Variants in REG1A observed in about 807,000 individuals in gnomAD.
REG1A encodes regenerating family member 1 alpha, also known as lithostathine-1-alpha.
Under a neutral mutation model 20.7 loss-of-function variants are expected in REG1A, and 20 were observed. That is an observed-to-expected ratio of 0.97 (90% confidence interval 0.68 to 1.41). The LOEUF (loss-of-function observed/expected upper bound fraction) is 1.41. REG1A is among the 40% of genes most tolerant of loss of function. The pLI, the probability that REG1A is intolerant of heterozygous loss-of-function variation, is 0.00. For synonymous variants in REG1A, 90 were observed against 71.6 expected, an observed-to-expected ratio of 1.26 and a Z score of -1.30; for missense variants, 193 against 201.8, an observed-to-expected ratio of 0.96 and a Z score of 0.26.
At position 79,123,179 on chromosome 2, in the gene REG1A, A is replaced by T; in HGVS notation, c.465A>T (p.Glu155Asp). 6.2e-7 allele frequency: 1 copy of T among 1,613,208 alleles called. No homozygotes were observed. The highest frequency in any genetic ancestry group is 8.5e-7 in the Non-Finnish European group (1 of 1,179,326). ...AGAAATGGAAGGATGTGCCTTGTGA[A>T]GACAAGTTCTCCTTTGTCTGCAAGT... ...GFQKWKDVPCEDKFSFVCKFK... is the reference protein window; with the variant it reads ...GFQKWKDVPCDDKFSFVCKFK... Residue 155 changes from glutamate to aspartate, a missense_variant, in exon 6 of 6, where the codon GAA (glutamate) becomes GAT (aspartate). Coordinates refer to ENST00000233735, the MANE Select transcript of REG1A (RefSeq NM_002909.5).
intron 2 of REG1A, 77 bp downstream of exon 2, chr2:79,121,002 TGA>T: frequency 3.8e-6 from 4 of 1,044,248 alleles, no homozygotes; most frequent in Non-Finnish European, 4.0e-6. Flanking sequence ...CGGGTCTACT[TGA>T]AAAAAAAAAA....
intron 2 of REG1A, 70 bp from the exon 3 acceptor site, chr2:79,121,492 A>C: frequency 8.1e-7 from 1 of 1,231,226 alleles, no homozygotes; most frequent in Non-Finnish European, 1.2e-6. Flanking sequence ...GGAACCTCAG[A>C]AGCTCTTACC....
At chr2:79,122,690 G>A (rs1291331578) in intron 4 of REG1A, 151 bp from the exon 5 acceptor site, 29 of 646,026 alleles carry the variant, frequency 4.5e-5, no homozygotes, top group Admixed American at 1.8e-4. Flanking sequence ...CAGGAAAGAA[G>A]TTTAGAGCAA....
rs374417047 is a variant in REG1A, at chr2:79,123,261, C to A, written c.*46C>A. On this transcript the variant is annotated 3_prime_UTR_variant, in exon 6 of 6. Coordinates refer to ENST00000233735, the MANE Select transcript of REG1A (RefSeq NM_002909.5). Reference sequence around the variant, plus strand: ...TCTAGAACTGATCCAGCAATTACAACGGAGTCAAAAATTAAACCGGACCAT... The same window carrying A: ...TCTAGAACTGATCCAGCAATTACAAAGGAGTCAAAAATTAAACCGGACCAT... 5.4e-6 allele frequency: 7 copies of A among 1,290,072 alleles called. No individual in the cohort carries two copies. Among genetic ancestry groups the A allele is most frequent in the Non-Finnish European group, 7.7e-6 (7 of 904,344 alleles). The allele number at this position is 1,290,072 out of a possible 1,614,324, so 79.9% of individuals were successfully genotyped here. A position where few individuals can be genotyped will look rare whatever the true frequency, so the allele number is the denominator to read the frequency against.
At position 79,120,833 on chromosome 2, in the gene REG1A, C is replaced by A; in HGVS notation, c.-29C>A. ...TCCTATAGAGATTGTTGATTTGCCT[C>A]TTAAGCAAGAGATTCATTGCAGCTC... On this transcript the variant is annotated 5_prime_UTR_variant, in exon 2 of 6. Transcript: ENST00000233735. 6.3e-7 allele frequency: 1 copy of A among 1,583,298 alleles called. No homozygotes were observed. The highest frequency in any genetic ancestry group is 8.6e-7 in the Non-Finnish European group (1 of 1,158,440).
intron 1 of REG1A, 68 bp from the exon 2 acceptor site, chr2:79,120,748 T>G: frequency 2.9e-6 from 2 of 699,844 alleles, no homozygotes; most frequent in Non-Finnish European, 4.4e-6. Context: ...TGAGAGGAGG[T>G]TTTAAGGAAG....
Position 79,122,926 on chromosome 2 carries a change from A to G in REG1A, c.407A>G (p.Tyr136Cys). 6.2e-7 allele frequency: 1 copy of G among 1,613,924 alleles called. No homozygotes were observed. The highest frequency in any genetic ancestry group is 8.5e-7 in the Non-Finnish European group (1 of 1,179,858). Reference sequence around the variant, plus strand: ...GCCCCAAGCAGTGTTAATCCTGGCTACTGTGTGAGCCTGACCTCAAGCACA... The same window carrying G: ...GCCCCAAGCAGTGTTAATCCTGGCTGCTGTGTGAGCCTGACCTCAAGCACA... ...IGAPSSVNPG[Y>C]CVSLTSSTGF... The change falls in exon 5 of 6, where the codon TAC (tyrosine) becomes TGC (cysteine). Residue 136 changes from tyrosine to cysteine, a missense_variant. Tyr to Cys is a radical substitution (Grantham distance 194, BLOSUM62 -2). Coordinates refer to ENST00000233735, the MANE Select transcript of REG1A (RefSeq NM_002909.5).
In REG1A at chr2:79,122,846, C is replaced by T; in HGVS notation, c.327C>T (p.Arg109=). The change falls in exon 5 of 6, where the codon CGC becomes CGT. Residue 109 remains arginine (R), a synonymous_variant. Coordinates refer to ENST00000233735, the MANE Select transcript of REG1A (RefSeq NM_002909.5). ...WIGLHDPKKN[R]RWHWSSGSLV... ...TCTGGCCCTTCCCCATCTAGAACCG[C>T]CGCTGGCACTGGAGCAGTGGGTCCC... 6.2e-7 allele frequency: 1 copy of T among 1,612,974 alleles called. No individual in the cohort carries two copies. Among genetic ancestry groups the T allele is most frequent in the South Asian group, 1.1e-5 (1 of 91,020 alleles).
chr2:79,121,294 G>A (rs982641031), intron 2 of REG1A, among the ~76,000 whole-genome samples: 1 of 152,176 alleles, frequency 6.6e-6, no homozygotes, highest in African/African-American at 2.4e-5. Context: ...GAAAGTAGAA[G>A]GCTGAGTCCT....
At position 79,121,987 on chromosome 2, in the gene REG1A, GC is replaced by G; in HGVS notation, c.184del (p.Leu62SerfsTer6). 6.2e-7 allele frequency: 1 copy of G among 1,613,666 alleles called. No individual in the cohort carries two copies. The highest frequency in any genetic ancestry group is 8.5e-7 in the Non-Finnish European group (1 of 1,179,828). Reference sequence around the variant, plus strand: ...GAGTGCTCCATTTTCTTCTGCAACAGCTCTATTGCCAGAACATGAATTCGGG... The same window carrying G: ...GAGTGCTCCATTTTCTTCTGCAACAGTCTATTGCCAGAACATGAATTCGGG... ...EDRETWVDAD[L>X]YCQNMNSGNL... On this transcript the variant is annotated frameshift_variant and splice_region_variant, in exon 4 of 6. Coordinates refer to ENST00000233735, the MANE Select transcript of REG1A (RefSeq NM_002909.5). LOFTEE classifies it high-confidence loss of function.
intron 5 of REG1A, 92 bp downstream of exon 5, chr2:79,123,044 C>A (rs1672910653): frequency 1.4e-6 from 2 of 1,437,054 alleles, no homozygotes; most frequent in Non-Finnish European, 9.8e-7. Context: ...AAGGTGAACT[C>A]CTCATTAAGG....
In REG1A at chr2:79,121,572, C is replaced by G. The variant is rs1672886298; in HGVS notation, c.75C>G (p.Ala25=). 6.2e-7 allele frequency: 1 copy of G among 1,613,984 alleles called. No individual in the cohort carries two copies. Among genetic ancestry groups the G allele is most frequent in the Non-Finnish European group, 8.5e-7 (1 of 1,179,894 alleles). ...MFLSQSQGQE[A]QTELPQARIS... The stretch of plus-strand genomic sequence containing the variant: ...TCTCTTCTTTTTCAGGCCAAGAGGC[C>G]CAGACAGAGTTGCCCCAGGCCCGGA... The change falls in exon 3 of 6, where the codon GCC becomes GCG. Residue 25 remains alanine, a synonymous_variant. Coordinates refer to ENST00000233735, the MANE Select transcript of REG1A (RefSeq NM_002909.5).
intron 3 of REG1A, 117 bp downstream of exon 3, chr2:79,121,797 C>T (rs753847460): frequency 3.1e-5 from 41 of 1,320,190 alleles, no homozygotes; most frequent in Non-Finnish European, 4.4e-5. Flanking sequence ...ATACTATCAT[C>T]AGCCCCAAAC....
In REG1A at chr2:79,121,687, G is replaced by T. The variant is rs1672888281; in HGVS notation, c.183+7G>T. ...GACCTGGGTTGATGCAGATGTGAGT[G>T]AGGAGAGCAGTGTGGGAAGGGAGAC... is the stretch of plus-strand genomic sequence containing the variant. On this transcript the variant is annotated splice_region_variant and intron_variant, in intron 3 of 5. Transcript: ENST00000233735. The T allele has an allele frequency of 1.2e-6, 2 of 1,611,936 alleles. No individual in the cohort carries two copies. The highest frequency in any genetic ancestry group is 1.7e-6 in the Non-Finnish European group (2 of 1,178,040).
Position 79,121,543 on chromosome 2 carries a change from A to C in REG1A, c.65-19A>C. 6.2e-7 allele frequency: 1 copy of C among 1,603,440 alleles called. No homozygotes were observed. The highest frequency in any genetic ancestry group is 8.5e-7 in the Non-Finnish European group (1 of 1,170,416). The stretch of plus-strand genomic sequence containing the variant: ...TTCCTTACCCTGAGAGCCTCCTTTA[A>C]TTGTCTCTTCTTTTTCAGGCCAAGA... On this transcript the variant is annotated intron_variant, in intron 2 of 5. Transcript: ENST00000233735.
At position 79,122,952 on chromosome 2, in the gene REG1A, G is replaced by A; in HGVS notation, c.433G>A (p.Gly145Arg). The change falls in exon 5 of 6, where the codon GGA (glycine) becomes AGA (arginine). Residue 145 changes from glycine (G) to arginine (R), a missense_variant and splice_region_variant. By Grantham distance (125) the Gly-to-Arg change is moderately radical (BLOSUM62 -2). Coordinates refer to ENST00000233735, the MANE Select transcript of REG1A (RefSeq NM_002909.5). ...CTGTGTGAGCCTGACCTCAAGCACAGGTGAGAGGCAGAGAATCCATCCACC... is the reference window on the plus strand; with the variant it reads ...CTGTGTGAGCCTGACCTCAAGCACAAGTGAGAGGCAGAGAATCCATCCACC... Reference protein sequence around the residue: ...GYCVSLTSSTGFQKWKDVPCE... With the variant: ...GYCVSLTSSTRFQKWKDVPCE... 1.9e-6 allele frequency: 3 copies of A among 1,612,524 alleles called. No homozygotes were observed. Among genetic ancestry groups the A allele is most frequent in the Non-Finnish European group, 2.5e-6 (3 of 1,178,618 alleles).
rs1375673649 is a variant in REG1A at position 79,122,833 on chromosome 2, C to T, written c.322-8C>T. 7.5e-6 allele frequency: 12 copies of T among 1,609,122 alleles called. No homozygotes were observed. Among genetic ancestry groups the T allele is most frequent in the East Asian group, 2.2e-5 (1 of 44,870 alleles). On this transcript the variant is annotated splice_polypyrimidine_tract_variant and splice_region_variant and intron_variant, in intron 4 of 5. Transcript: ENST00000233735. ...CCACTGCCTCTGTTCTGGCCCTTCC[C>T]CATCTAGAACCGCCGCTGGCACTGG...
intron 2 of REG1A, among the ~76,000 whole-genome samples, 171 bp from the exon 3 acceptor site, chr2:79,121,391 G>A (rs1672884225): frequency 6.6e-6 from 1 of 152,086 alleles, no homozygotes; most frequent in Admixed American, 6.5e-5. Context: ...TTTTTCCCCT[G>A]ATCAAAGAAA....
At chr2:79,121,916 T>G (rs1672891658) in intron 3 of REG1A, 72 bp from the exon 4 acceptor site, 1 of 1,585,334 alleles carries the variant, frequency 6.3e-7, no homozygotes, top group Non-Finnish European at 8.6e-7. Flanking sequence ...TTCTGACCCG[T>G]CCTCTTGGAG....
Sources: gnomAD v4.1 joint callset for allele counts (sites outside exome capture counted in the v4.1 genomes callset) on GRCh38, gnomAD v4.1.1 for gene constraint, MANE v1.5 for transcripts, NCBI Gene and HGNC (gene_info 2026-07-23, HGNC 2026-07-21) for gene names.